The following TPRA1 variants were observed in gnomAD, a reference collection of about 807,000 sequenced individuals.
TPRA1 encodes transmembrane protein adipocyte-associated 1.
In TPRA1, 28 loss-of-function variants were observed where a neutral mutation model predicts 40.1. That is an observed-to-expected ratio of 0.70 (90% confidence interval 0.52 to 0.96). The LOEUF (loss-of-function observed/expected upper bound fraction) is 0.96. Ranked by LOEUF, TPRA1 falls within the 40% of genes least tolerant of loss-of-function variation. TPRA1 has a pLI of 0.00. For synonymous variants in TPRA1, 219 were observed against 209.7 expected (o/e 1.04, Z -0.38); for missense variants, 441 against 482.6 (o/e 0.91, Z 0.81).
chr3:127,579,394 T>C (rs1206737618), intron 3 of TPRA1, among the ~76,000 whole-genome samples: 5 of 152,166 alleles, frequency 3.3e-5, no homozygotes, highest in Non-Finnish European at 7.4e-5. Context: ...CTTTCCTTGC[T>C]AGCCACAGTG....
intron 1 of TPRA1, among the ~76,000 whole-genome samples, chr3:127,584,949 C>T (rs896562073): frequency 6.6e-6 from 1 of 152,138 alleles, no homozygotes; most frequent in Non-Finnish European, 1.5e-5. Context: ...GAGCAGCCTC[C>T]TCAGACCACG....
Position 127,576,050 on chromosome 3 carries a change from C to G in TPRA1, c.499G>C (p.Gly167Arg), listed in dbSNP as rs745860135. Residue 167 changes from glycine to arginine, a missense_variant and splice_region_variant, in exon 7 of 11, where the codon GGG becomes CGG. Gly to Arg is a moderately radical substitution (Grantham distance 125). Transcript: ENST00000355552. This position sits in a 1 kb window ranked among gnomAD's most constrained non-coding sequence, Gnocchi z 4.6. ...TCAGGGTACAGGATCTCCAGGGTCCCCTGCAGGGGCAAGCAGGAAGGGAGG... is the reference window on the plus strand; with the variant it reads ...TCAGGGTACAGGATCTCCAGGGTCCGCTGCAGGGGCAAGCAGGAAGGGAGG... ...VLSLAYSVTQ[G>R]TLEILYPDAH... 6.2e-7 allele frequency: 1 copy of G among 1,611,884 alleles called. No homozygotes were observed. Among genetic ancestry groups the G allele is most frequent in the South Asian group, 1.1e-5 (1 of 91,004 alleles).
rs1465116598 is a variant in TPRA1, at chr3:127,571,639, G to A, written c.*1882C>T. The A allele has an allele frequency of 1.3e-5, 2 of 152,164 alleles. No individual in the cohort carries two copies. Among genetic ancestry groups the A allele is most frequent in the Non-Finnish European group, 2.9e-5 (2 of 68,030 alleles). 9.4% of individuals were successfully genotyped at this position (152,164 alleles called of 1,614,324 possible). A position where few individuals can be genotyped will look rare whatever the true frequency, so the allele number is the denominator to read the frequency against. Reference sequence around the variant, plus strand: ...CAGGACATTAGCATTACAGAAAGAGGGATGATATACACATCCGTTGGTGTG... The same window carrying A: ...CAGGACATTAGCATTACAGAAAGAGAGATGATATACACATCCGTTGGTGTG... On this transcript the variant is annotated 3_prime_UTR_variant, in exon 11 of 11. Coordinates refer to ENST00000355552, the MANE Select transcript of TPRA1 (RefSeq NM_001136053.4).
intron 1 of TPRA1, among the ~76,000 whole-genome samples, chr3:127,588,788 G>A (rs928418843): frequency 3.9e-5 from 6 of 152,200 alleles, no homozygotes; most frequent in African/African-American, 1.4e-4. Flanking sequence ...TGCTTTACAC[G>A]TGGTGACACA....
At position 127,575,093 on chromosome 3, in the gene TPRA1, AC is replaced by A; in HGVS notation, c.854+91del. The A allele has an allele frequency of 2.1e-6, 3 of 1,417,072 alleles. No individual in the cohort carries two copies. The South Asian group carries it at 3.6e-5, about 17-fold the overall frequency. 87.8% of individuals were successfully genotyped at this position (1,417,072 alleles called of 1,614,324 possible). On this transcript the variant is annotated intron_variant, in intron 10 of 10. Coordinates refer to ENST00000355552, the MANE Select transcript of TPRA1 (RefSeq NM_001136053.4). The stretch of plus-strand genomic sequence containing the variant: ...GTGCGCATGCGCACTGTATGCATAC[AC>A]AGCCTCTCAGCTTCAATCCTCACAC...
Position 127,573,667 on chromosome 3 carries a change from C to T in TPRA1, c.976G>A (p.Ala326Thr). 1 of 1,613,534 alleles carries T rather than the reference C, an allele frequency of 6.2e-7. No individual in the cohort carries two copies. Among genetic ancestry groups the T allele is most frequent in the Non-Finnish European group, 8.5e-7 (1 of 1,179,980 alleles). The change falls in exon 11 of 11, where the codon GCT becomes ACT. Residue 326 changes from alanine to threonine, a missense_variant. Ala to Thr is a moderately conservative substitution (Grantham distance 58). Transcript: ENST00000355552. ...GAGTAGCTGGCAGCTGAGGCCCCAG[C>T]AGCCCCTGCAGCCTCCAGGCCCTCC... ...RREGLEAAGA[A>T]GASAASYSST...
rs933946576 is a variant in TPRA1 at position 127,580,133 on chromosome 3, T to C, written c.14A>G (p.Glu5Gly). 1 of 1,612,760 alleles carries C rather than the reference T, an allele frequency of 6.2e-7. No individual in the cohort carries two copies. Among genetic ancestry groups the C allele is most frequent in the Non-Finnish European group, 8.5e-7 (1 of 1,179,922 alleles). Residue 5 changes from glutamate to glycine, a missense_variant, in exon 2 of 11, where the codon GAG (glutamate) becomes GGG (glycine). Transcript: ENST00000355552. The part of the protein sequence containing the change: MDTL[E>G]EVTWANGSTA... The stretch of plus-strand genomic sequence containing the variant: ...GCTCCCATTGGCCCAAGTCACCTCC[T>C]CCAGGGTGTCCATCCCGCCAGCAGC...
chr3:127,595,677 G>T, upstream of TPRA1: 1 of 152,336 alleles, frequency 6.6e-6, no homozygotes, highest in Non-Finnish European at 1.5e-5. Context: ...CCGGACCTCA[G>T]GACTCACTTC....
At chr3:127,582,465 C>A (rs1461736943) in intron 1 of TPRA1, among the ~76,000 whole-genome samples, 4 of 152,090 alleles carry the variant, frequency 2.6e-5, no homozygotes, top group Non-Finnish European at 4.4e-5. Context: ...CTTTGGGAGG[C>A]CAAGGCAGGC....
upstream of TPRA1, chr3:127,598,231 C>A: frequency 4.9e-6 from 3 of 609,332 alleles, no homozygotes; most frequent in Middle Eastern, 4.3e-4. Context: ...CAGGCGAGCG[C>A]ACGCGCACAG....
chr3:127,573,882 A>G, intron 10 of TPRA1, 94 bp from the exon 11 acceptor site: 1 of 1,448,120 alleles, frequency 6.9e-7, no homozygotes, highest in Non-Finnish European at 9.2e-7. Context: ...ATAAGGAAGG[A>G]ATTGACCAAC....
upstream of TPRA1, among the ~76,000 whole-genome samples, chr3:127,593,751 C>A (rs1294952360): frequency 6.6e-6 from 1 of 152,192 alleles, no homozygotes; most frequent in Admixed American, 6.5e-5. Flanking sequence ...GCAGATTCAG[C>A]CAAGTGGTAG....
chr3:127,589,999 C>T (rs755159191), intron 1 of TPRA1, among the ~76,000 whole-genome samples: 3 of 152,244 alleles, frequency 2.0e-5, no homozygotes, highest in Non-Finnish European at 4.4e-5. Flanking sequence ...GCAGCAAAGC[C>T]CCGAACCGGC....
intron 3 of TPRA1, among the ~76,000 whole-genome samples, 194 bp from the exon 4 acceptor site, chr3:127,577,270 A>G (rs2107630913): frequency 6.6e-6 from 1 of 152,298 alleles, no homozygotes; most frequent in Admixed American, 6.5e-5. Flanking sequence ...GCAGACCCTC[A>G]ACTGCAGGTG....
chr3:127,588,366 A>G lies in TPRA1; in HGVS notation c.-18+2044T>C, dbSNP rs529624297. ...CACTGGGGTTATGGGGCTGCTGGCCATACCAGGATTGCCATTACGTATCAA... is the reference window on the plus strand; with the variant it reads ...CACTGGGGTTATGGGGCTGCTGGCCGTACCAGGATTGCCATTACGTATCAA... On this transcript the variant is annotated intron_variant, in intron 1 of 10. Coordinates refer to ENST00000355552, the MANE Select transcript of TPRA1 (RefSeq NM_001136053.4). 4.7e-4 allele frequency among the ~76,000 whole-genome samples: 71 copies of G among 151,748 alleles called. No homozygotes were observed. The South Asian group carries it at 5.4e-3, about 12-fold the overall frequency.
upstream of TPRA1, among the ~76,000 whole-genome samples, chr3:127,595,183 AAGGGCCATC>A (rs1277923826): frequency 6.6e-6 from 1 of 152,236 alleles, no homozygotes; most frequent in Admixed American, 6.5e-5. Context: ...ACCAGAAGGC[AAGGGCCATC>A]AGGGCCATAA....
intron 1 of TPRA1, among the ~76,000 whole-genome samples, chr3:127,582,159 C>T (rs1260512735): frequency 1.3e-5 from 2 of 152,078 alleles, no homozygotes; most frequent in Non-Finnish European, 2.9e-5. Flanking sequence ...CCTTAAACAC[C>T]AGAACACCTC....
chr3:127,576,514 A>G lies in TPRA1; in HGVS notation c.498+103T>C, dbSNP rs2073632752. On this transcript the variant is annotated intron_variant, in intron 6 of 10. Coordinates refer to ENST00000355552, the MANE Select transcript of TPRA1 (RefSeq NM_001136053.4). The surrounding 1 kb of genome is among the most constrained non-coding windows in gnomAD (Gnocchi z 4.6). ...GATTTCTCAGGTGCAAAGTTTTGAGAACTCTGAAGGTGATAAAGACTGGAA... is the reference window on the plus strand; with the variant it reads ...GATTTCTCAGGTGCAAAGTTTTGAGGACTCTGAAGGTGATAAAGACTGGAA... 3 of 1,131,430 alleles carry G rather than the reference A, an allele frequency of 2.7e-6. No individual in the cohort carries two copies. The highest frequency in any genetic ancestry group is 3.7e-6 in the Non-Finnish European group (3 of 810,368). 70.1% of individuals were successfully genotyped at this position (1,131,430 alleles called of 1,614,324 possible). A position where few individuals can be genotyped will look rare whatever the true frequency, so the allele number is the denominator to read the frequency against.
Position 127,576,166 on chromosome 3 carries a change from G to T in TPRA1, c.499-116C>A. 1 of 805,400 alleles carries T rather than the reference G, an allele frequency of 1.2e-6. No individual in the cohort carries two copies. The allele number at this position is 805,400 out of a possible 1,614,324, so 49.9% of individuals were successfully genotyped here. ...TCCACCACACCAAGTTCAGCCTCTT[G>T]GCCTGACCCTCAACTCACCTGCCCC... is the stretch of plus-strand genomic sequence containing the variant. On this transcript the variant is annotated intron_variant, in intron 6 of 10. Coordinates refer to ENST00000355552, the MANE Select transcript of TPRA1 (RefSeq NM_001136053.4). The surrounding 1 kb of genome is among the most constrained non-coding windows in gnomAD (Gnocchi z 4.6).
Sources: allele counts gnomAD v4.1 joint callset (sites outside exome capture counted in the v4.1 genomes callset), GRCh38; gene constraint gnomAD v4.1.1; non-coding constraint Gnocchi (gnomAD v3.1); transcripts MANE v1.5; gene names NCBI Gene and HGNC (gene_info 2026-07-23, HGNC 2026-07-21).